Variants in PRKDC observed in about 807,000 individuals in gnomAD.
The protein encoded by PRKDC is protein kinase, DNA-activated, catalytic subunit.
PRKDC carries 82 observed loss-of-function variants against 486.9 expected under a neutral mutation model. The observed-to-expected ratio is 0.17, with a 90% confidence interval of 0.14 to 0.20. PRKDC has a LOEUF of 0.20. Ranked by LOEUF, PRKDC falls within the 10% of genes least tolerant of loss-of-function variation. The pLI is 1.00. For synonymous variants in PRKDC, 1,895 were observed against 1,837.0 expected (o/e 1.03, Z -0.81); for missense variants, 4,504 against 5,038.2 (o/e 0.89, Z 3.21).
intron 11 of PRKDC, among the ~76,000 whole-genome samples, chr8:47,936,780 C>A (rs1343800626): frequency 6.8e-6 from 1 of 147,756 alleles, no homozygotes; most frequent in Non-Finnish European, 1.5e-5. Flanking sequence ...CCACGCCTGG[C>A]TATTTTTTTT....
At chr8:47,958,172 C>T (rs2090741127) in intron 1 of PRKDC, among the ~76,000 whole-genome samples, 1 of 152,106 alleles carries the variant, frequency 6.6e-6, no homozygotes, top group Admixed American at 6.5e-5. Context: ...GCGGGAGATT[C>T]CAAACCTCTA....
chr8:47,920,860 G>C (rs901229388), intron 21 of PRKDC, among the ~76,000 whole-genome samples: 6 of 152,130 alleles, frequency 3.9e-5, no homozygotes, highest in African/African-American at 1.4e-4. Context: ...GTATATAATT[G>C]AGTGGCATTA....
In PRKDC at chr8:47,877,867, C is replaced by T; in HGVS notation, c.5236-16G>A. On this transcript the variant is annotated splice_polypyrimidine_tract_variant and intron_variant, in intron 39 of 85. Transcript: ENST00000314191. ...CATCTAGAAACTAGAAAAAATACAT[C>T]AACATCATTAAAATTTTGTTGGGTT... 1 of 1,429,314 alleles carries T rather than the reference C, an allele frequency of 7.0e-7. No homozygotes were observed. The highest frequency in any genetic ancestry group is 9.2e-7 in the Non-Finnish European group (1 of 1,081,516). 88.5% of individuals were successfully genotyped at this position (1,429,314 alleles called of 1,614,324 possible).
At chr8:47,856,051 C>T (rs906992581) in intron 49 of PRKDC, among the ~76,000 whole-genome samples, 3 of 152,206 alleles carry the variant, frequency 2.0e-5, no homozygotes, top group Admixed American at 2.0e-4. Context: ...TCTCTTTCAA[C>T]GGACCCTTGT....
rs372584938 is a variant in PRKDC, at chr8:47,800,555, A to G, written c.10116+238T>C. ...GCACACCAGCATGGCACATGTATAC[A>G]TATGTAACTAACCTGCACATTGTGC... On this transcript the variant is annotated intron_variant, in intron 71 of 85. Coordinates refer to ENST00000314191, the MANE Select transcript of PRKDC (RefSeq NM_006904.7). Among the ~76,000 whole-genome samples the G allele has an allele frequency of 6.6e-5, 10 of 152,258 alleles. No homozygotes were observed. In the South Asian group the frequency reaches 1.5e-3, roughly 22 times the overall value.
intron 10 of PRKDC, among the ~76,000 whole-genome samples, chr8:47,941,362 T>C (rs1484636359): frequency 6.6e-6 from 1 of 152,148 alleles, no homozygotes; most frequent in Non-Finnish European, 1.5e-5. Context: ...GATCTAATAA[T>C]GGGACTCAGG....
chr8:47,913,422 A>G (rs1286435346), intron 24 of PRKDC, among the ~76,000 whole-genome samples: 1 of 151,724 alleles, frequency 6.6e-6, no homozygotes. Flanking sequence ...TTTGAGACGG[A>G]GTCTCGCTCT....
intron 40 of PRKDC, 133 bp downstream of exon 40, chr8:47,877,591 G>T: frequency 1.1e-6 from 1 of 948,134 alleles, no homozygotes; most frequent in Non-Finnish European, 1.4e-6. Context: ...TTGTTTTAAA[G>T]ACAAAAAACT....
rs572233473 is a variant in PRKDC at position 47,918,374 on chromosome 8, T to C, written c.2429A>G (p.Lys810Arg). Residue 810 changes from lysine to arginine, a missense_variant, in exon 22 of 86, where the codon AAG becomes AGG. Lys to Arg is a conservative substitution (Grantham distance 26). Transcript: ENST00000314191. ...LKTSALSDET[K>R]NNWEVSALSR... ...AAGAGCTGACACTTCCCAGTTATTC[T>C]TGGTCTCATCTATCAATAGTAAACG... 3 of 1,577,704 alleles carry C rather than the reference T, an allele frequency of 1.9e-6. No homozygotes were observed. In the African/African-American group the frequency reaches 4.0e-5, roughly 21 times the overall value.
intron 44 of PRKDC, 54 bp from the exon 45 acceptor site, chr8:47,861,025 T>G: frequency 8.0e-7 from 1 of 1,248,036 alleles, no homozygotes; most frequent in South Asian, 1.6e-5. Context: ...ATAGTGATAC[T>G]TTTTCTGTTT....
Position 47,839,199 on chromosome 8 carries a change from A to C in PRKDC, c.7502T>G (p.Leu2501Trp). Residue 2501 changes from leucine to tryptophan, a missense_variant, in exon 56 of 86, where the codon TTG becomes TGG. By Grantham distance (61) the Leu-to-Trp change is moderately conservative. Transcript: ENST00000314191. ...TDNDSQEIFK[L>W]AKDVLIQGLI... ...TCCTTGAATCAGCACATCTTTTGCCAACTTAAATATTTCCTGGGAGTCATT... is the reference window on the plus strand; with the variant it reads ...TCCTTGAATCAGCACATCTTTTGCCCACTTAAATATTTCCTGGGAGTCATT... 1 of 1,613,920 alleles carries C rather than the reference A, an allele frequency of 6.2e-7. No individual in the cohort carries two copies. Among genetic ancestry groups the C allele is most frequent in the Non-Finnish European group, 8.5e-7 (1 of 1,179,830 alleles).
In PRKDC at chr8:47,777,702, G is replaced by A; in HGVS notation, c.12026C>T (p.Pro4009Leu). The A allele has an allele frequency of 1.3e-6, 2 of 1,584,912 alleles. No homozygotes were observed. Among genetic ancestry groups the A allele is most frequent in the East Asian group, 4.5e-5 (2 of 44,308 alleles). Residue 4009 changes from proline (P) to leucine (L), a missense_variant, in exon 84 of 86, where the codon CCC becomes CTC. By Grantham distance (98) the Pro-to-Leu change is moderately conservative. This residue lies in a region of PRKDC where 706 missense variants were observed against 945.0 expected (regional missense o/e 0.75). Coordinates refer to ENST00000314191, the MANE Select transcript of PRKDC (RefSeq NM_006904.7). ...TNTMDVFVKE[P>L]SFDWKNFEQK... is the part of the protein sequence containing the mutation. ...AAAACCTACTTTCCAATCAAAGGAG[G>A]GCTCCTTGACAAACACATCCATGGT...
intron 30 of PRKDC, among the ~76,000 whole-genome samples, chr8:47,894,079 A>C (rs1020268105): frequency 6.6e-6 from 1 of 152,124 alleles, no homozygotes; most frequent in Non-Finnish European, 1.5e-5. Flanking sequence ...TCAAGAGTTC[A>C]TGACCAGCCT....
intron 54 of PRKDC, among the ~76,000 whole-genome samples, chr8:47,846,488 T>A (rs1336431442): frequency 6.7e-6 from 1 of 149,488 alleles, no homozygotes; most frequent in Non-Finnish European, 1.5e-5. Context: ...AAACCAGGCA[T>A]CAAAGGAATA....
At chr8:47,913,465 C>T (rs1449877307) in intron 24 of PRKDC, among the ~76,000 whole-genome samples, 3 of 152,066 alleles carry the variant, frequency 2.0e-5, no homozygotes, top group South Asian at 2.1e-4. Flanking sequence ...GGCGTAATCT[C>T]GGCTTGCTGC....
At chr8:47,942,707 T>C (rs897126166) in intron 10 of PRKDC, among the ~76,000 whole-genome samples, 14 of 152,174 alleles carry the variant, frequency 9.2e-5, no homozygotes, top group African/African-American at 2.7e-4. Context: ...TGGAGACCAG[T>C]GCTCAGAATG....
rs1263443047 is a variant in PRKDC at position 47,960,012 on chromosome 8, C to T, written c.115G>A (p.Gly39Arg). 1 of 1,534,666 alleles carries T rather than the reference C, an allele frequency of 6.5e-7. No homozygotes were observed. The highest frequency in any genetic ancestry group is 8.7e-7 in the Non-Finnish European group (1 of 1,146,634). The part of the protein sequence containing the change: ...LAGHQLIRGL[G>R]QECVLSSSPA... ...CTGCTGCTCAGGACGCATTCCTGCC[C>T]CAGGCCGCGGATCAGTTGATGACCG... is the stretch of plus-strand genomic sequence containing the variant. Residue 39 changes from glycine (G) to arginine (R), a missense_variant, in exon 1 of 86, where the codon GGG (glycine) becomes AGG (arginine). This residue lies in a region of PRKDC where 145 missense variants were observed against 136.3 expected (regional missense o/e 1.06). Transcript: ENST00000314191.
At chr8:47,954,293 T>C (rs1243141012) in intron 5 of PRKDC, 45 bp downstream of exon 5, 5 of 834,278 alleles carry the variant, frequency 6.0e-6, no homozygotes. Flanking sequence ...TTTGTTAATA[T>C]TAATTTGCTA....
At position 47,807,208 on chromosome 8, in the gene PRKDC, C is replaced by T. The variant is rs140508037; in HGVS notation, c.9676G>A (p.Asp3226Asn). 2.5e-6 allele frequency: 4 copies of T among 1,613,930 alleles called. No individual in the cohort carries two copies. In the Admixed American group the frequency reaches 5.0e-5, roughly 20 times the overall value. The change falls in exon 69 of 86, where the codon GAT becomes AAT. Residue 3226 changes from aspartate (D) to asparagine (N), a missense_variant. Physicochemically the swap from Asp to Asn is conservative, Grantham distance 23. This residue lies in a region of PRKDC where 1,592 missense variants were observed against 1,724.6 expected (regional missense o/e 0.92). Coordinates refer to ENST00000314191, the MANE Select transcript of PRKDC (RefSeq NM_006904.7). ...CAACTCCTGATCAGGGAGCTGATAT[C>T]TTCTTCCTGCTCTTGCACTTCCATC... ...DRMEVQEQEE[D>N]ISSLIRSCKF... is the part of the protein sequence containing the mutation.
Sources: allele counts gnomAD v4.1 joint callset (sites outside exome capture counted in the v4.1 genomes callset), GRCh38; gene constraint gnomAD v4.1.1; regional missense constraint gnomAD v4.1.1; transcripts MANE v1.5; gene names NCBI Gene and HGNC (gene_info 2026-07-23, HGNC 2026-07-21).